The following ANKDD1A variants were observed in gnomAD, a reference collection of about 807,000 sequenced individuals.
The protein encoded by ANKDD1A is ankyrin repeat and death domain-containing protein 1A.
A neutral mutation model predicts 63.5 loss-of-function variants in ANKDD1A; 59 were observed. The observed-to-expected ratio is 0.93, with a 90% CI of 0.75 to 1.15. ANKDD1A has a LOEUF of 1.15. Among genes scored for constraint, ANKDD1A ranks in the 50% most tolerant of loss-of-function variants. ANKDD1A has a pLI of 0.00. For synonymous variants in ANKDD1A, 266 were observed against 263.9 expected, an observed-to-expected ratio of 1.01 and a Z score of -0.08; for missense variants, 632 against 656.4, an observed-to-expected ratio of 0.96 and a Z score of 0.41.
chr15:64,955,954 T>C (rs2085412876), intron 14 of ANKDD1A, among the ~76,000 whole-genome samples: 1 of 152,148 alleles, frequency 6.6e-6, no homozygotes, highest in African/African-American at 2.4e-5. Flanking sequence ...AGCAAAAGAT[T>C]GGAAACAAAC....
intron 14 of ANKDD1A, chr15:64,950,595 G>A (rs2085261623): frequency 4.0e-5 from 39 of 985,412 alleles, no homozygotes; most frequent in Non-Finnish European, 4.6e-5. Flanking sequence ...CACAGAATGG[G>A]GCACTAGGCA....
intron 14 of ANKDD1A, among the ~76,000 whole-genome samples, chr15:64,954,748 TTC>T (rs1566919152): frequency 8.1e-6 from 1 of 123,264 alleles, no homozygotes; most frequent in Non-Finnish European, 1.9e-5. Flanking sequence ...CTTCTCCTTC[TTC>T]TTTCTTTTTG....
intron 14 of ANKDD1A, among the ~76,000 whole-genome samples, chr15:64,951,627 TTCTTTTC>T (rs2085280532): frequency 6.6e-5 from 9 of 135,788 alleles, no homozygotes; most frequent in East Asian, 4.0e-4. Flanking sequence ...TCTTCTTCTC[TTCTTTTC>T]TTCTTCTATC....
In ANKDD1A at chr15:64,957,240, T is replaced by A; in HGVS notation, c.*52T>A. On this transcript the variant is annotated 3_prime_UTR_variant, in exon 15 of 15. Coordinates refer to ENST00000319580, the MANE Select transcript of ANKDD1A (RefSeq NM_182703.6). ...AGCTGGCTAATTTTTGTATTTTTAG[T>A]AGAGATGGGGTTTGGCCATGATGGC... 1 of 324,848 alleles carries A rather than the reference T, an allele frequency of 3.1e-6. No homozygotes were observed. Among genetic ancestry groups the A allele is most frequent in the South Asian group, 2.2e-5 (1 of 45,090 alleles). The allele number at this position is 324,848 out of a possible 1,614,324, so 20.1% of individuals were successfully genotyped here. A position where few individuals can be genotyped will look rare whatever the true frequency, so the allele number is the denominator to read the frequency against.
chr15:64,957,845 T>C lies in ANKDD1A; in HGVS notation c.*657T>C, dbSNP rs1311545495. On this transcript the variant is annotated 3_prime_UTR_variant, in exon 15 of 15. Transcript: ENST00000319580. ...AAAACACGATACAGATCAGTGCATA[T>C]AGTATATTACTAATAGTATGCTGTT... is the stretch of plus-strand genomic sequence containing the variant. 6.6e-6 allele frequency: 1 copy of C among 152,158 alleles called. No homozygotes were observed. Among genetic ancestry groups the C allele is most frequent in the Non-Finnish European group, 1.5e-5 (1 of 68,044 alleles). The allele number at this position is 152,158 out of a possible 1,614,324, so 9.4% of individuals were successfully genotyped here. A position where few individuals can be genotyped will look rare whatever the true frequency, so the allele number is the denominator to read the frequency against.
chr15:64,944,790 G>A (rs746440491), intron 12 of ANKDD1A, 43 bp downstream of exon 12: 13 of 1,597,740 alleles, frequency 8.1e-6, no homozygotes, highest in Non-Finnish European at 1.1e-5. Context: ...TGGAAAGGGA[G>A]TGATTTTGGC....
At chr15:64,932,465 G>A (rs748362251) in intron 8 of ANKDD1A, 2 of 152,048 alleles carry the variant, frequency 1.3e-5, no homozygotes, top group South Asian at 2.1e-4. Flanking sequence ...CTCTCTCCCC[G>A]TTGTACTCAT....
Position 64,943,695 on chromosome 15 carries a change from A to T in ANKDD1A, c.1065+113A>T, listed in dbSNP as rs1015977788. Reference sequence around the variant, plus strand: ...CTTCTCAGGGTGTTCAAGGACTGTCATCCTTTCTATACCAGCTCAAATGCA... The same window carrying T: ...CTTCTCAGGGTGTTCAAGGACTGTCTTCCTTTCTATACCAGCTCAAATGCA... On this transcript the variant is annotated intron_variant, in intron 11 of 14. Transcript: ENST00000319580. 4.1e-6 allele frequency: 4 copies of T among 987,308 alleles called. No individual in the cohort carries two copies. In the African/African-American group the frequency reaches 4.8e-5, roughly 12 times the overall value. 61.2% of individuals were successfully genotyped at this position (987,308 alleles called of 1,614,324 possible).
intron 4 of ANKDD1A, among the ~76,000 whole-genome samples, chr15:64,923,537 G>A (rs999948434): frequency 6.6e-6 from 1 of 152,084 alleles, no homozygotes; most frequent in African/African-American, 2.4e-5. Flanking sequence ...GGCTTCACCA[G>A]ATGTAAAAGG....
Position 64,926,066 on chromosome 15 carries a change from G to C in ANKDD1A, c.367G>C (p.Asp123His). The C allele has an allele frequency of 1.2e-6, 2 of 1,612,710 alleles. No homozygotes were observed. The highest frequency in any genetic ancestry group is 1.7e-6 in the Non-Finnish European group (2 of 1,179,560). Residue 123 changes from aspartate (D) to histidine (H), a missense_variant and splice_region_variant, in exon 5 of 15, where the codon GAT (aspartate) becomes CAT (histidine). Coordinates refer to ENST00000319580, the MANE Select transcript of ANKDD1A (RefSeq NM_182703.6). ...GGAACCCTCCTGCACTTGTTTCCAG[G>C]ATGGCCTGACCTTACTGCACTGCGC... ...SGAKIHCESK[D>H]GLTLLHCAAQ...
intron 14 of ANKDD1A, among the ~76,000 whole-genome samples, chr15:64,952,808 C>G (rs1196959671): frequency 2.1e-5 from 3 of 145,610 alleles, no homozygotes; most frequent in African/African-American, 2.5e-5. Context: ...TCTTCTCCTT[C>G]TCCTCCTTCT....
At chr15:64,953,959 CTTT>C (rs1382918011) in intron 14 of ANKDD1A, among the ~76,000 whole-genome samples, 19 of 104,138 alleles carry the variant, frequency 1.8e-4, no homozygotes, top group South Asian at 3.6e-4. Context: ...TCTATTGTTT[CTTT>C]TTTTCTTCTT....
chr15:64,947,028 C>CT (rs2085228749), intron 12 of ANKDD1A, among the ~76,000 whole-genome samples: 1 of 152,182 alleles, frequency 6.6e-6, no homozygotes, highest in Non-Finnish European at 1.5e-5. Flanking sequence ...TTGGCCAAAG[C>CT]TTCGGAGTAC....
At chr15:64,925,957 T>G (rs2085043259) in intron 4 of ANKDD1A, 109 bp from the exon 5 acceptor site, 1 of 911,686 alleles carries the variant, frequency 1.1e-6, no homozygotes, top group South Asian at 1.5e-5. Context: ...GTTGTATCCA[T>G]GGGGAGGCTG....
intron 5 of ANKDD1A, 54 bp downstream of exon 5, chr15:64,926,224 G>A: frequency 1.3e-6 from 2 of 1,532,190 alleles, no homozygotes; most frequent in Admixed American, 1.8e-5. Flanking sequence ...GGCTCCTGGG[G>A]CCACTCTTGC....
At chr15:64,931,312 G>T (rs1466883882) in intron 7 of ANKDD1A, among the ~76,000 whole-genome samples, 175 bp from the exon 8 acceptor site, 2 of 152,154 alleles carry the variant, frequency 1.3e-5, no homozygotes, top group African/African-American at 4.8e-5. Flanking sequence ...AGGACTTCAG[G>T]GGTGGGGCTC....
chr15:64,934,897 G>T lies in ANKDD1A; in HGVS notation c.867+663G>T, dbSNP rs190726509. ...TTAATCTTTTTACTGTTATACATTT[G>T]GTCCACACACAGGAACTGTATAATC... On this transcript the variant is annotated intron_variant, in intron 9 of 14. Coordinates refer to ENST00000319580, the MANE Select transcript of ANKDD1A (RefSeq NM_182703.6). Among the ~76,000 whole-genome samples the T allele has an allele frequency of 5.3e-5, 8 of 151,696 alleles. No homozygotes were observed. The East Asian group carries it at 1.6e-3, about 29-fold the overall frequency.
intron 12 of ANKDD1A, among the ~76,000 whole-genome samples, chr15:64,945,607 CATATATATATATAT>C (rs61390435): frequency 1.1e-4 from 8 of 73,852 alleles, no homozygotes; most frequent in Admixed American, 9.1e-4. Flanking sequence ...GCATTTTCAA[CATATATATATATAT>C]ATATATATAT....
At chr15:64,952,909 T>C (rs2085324921) in intron 14 of ANKDD1A, among the ~76,000 whole-genome samples, 1 of 72,172 alleles carries the variant, frequency 1.4e-5, no homozygotes, top group African/African-American at 3.6e-5. Context: ...CTTCCTTCTC[T>C]TCTTCTCCTT....
Sources: gnomAD v4.1 joint callset for allele counts (sites outside exome capture counted in the v4.1 genomes callset) on GRCh38, gnomAD v4.1.1 for gene constraint, MANE v1.5 for transcripts, NCBI Gene and HGNC (gene_info 2026-07-23, HGNC 2026-07-21) for gene names.